Variants in NEDD4L observed in about 807,000 individuals in gnomAD.
The protein encoded by NEDD4L is NEDD4 like E3 ubiquitin protein ligase, also known as E3 ubiquitin-protein ligase NEDD4-like.
In NEDD4L, 54 loss-of-function variants were observed where a neutral mutation model predicts 148.9. The observed-to-expected ratio is 0.36, with a 90% CI of 0.29 to 0.45. The LOEUF (loss-of-function observed/expected upper bound fraction) is 0.45. Among genes scored for constraint, NEDD4L ranks in the 20% least tolerant of loss-of-function variants. The pLI is 1.00. For synonymous variants in NEDD4L, 433 were observed against 440.7 expected (o/e 0.98, Z 0.22); for missense variants, 856 against 1,233.8 (o/e 0.69, Z 4.59).
At chr18:58,188,296 T>C (rs2039700086) in intron 2 of NEDD4L, among the ~76,000 whole-genome samples, 1 of 152,194 alleles carries the variant, frequency 6.6e-6, no homozygotes, top group African/African-American at 2.4e-5. Flanking sequence ...AAAGGGACCC[T>C]AGCACCAGTG....
intron 1 of NEDD4L, among the ~76,000 whole-genome samples, chr18:58,133,272 A>G (rs2032399215): frequency 6.6e-6 from 1 of 152,208 alleles, no homozygotes; most frequent in South Asian, 2.1e-4. Context: ...AGGAGAATGC[A>G]CTTATAAGTT....
intron 11 of NEDD4L, among the ~76,000 whole-genome samples, chr18:58,332,287 G>A (rs1486608999): frequency 6.6e-6 from 1 of 152,186 alleles, no homozygotes; most frequent in Non-Finnish European, 1.5e-5. Flanking sequence ...TTCACATCGT[G>A]TTCACTGTTA....
At position 58,225,266 on chromosome 18, in the gene NEDD4L, C is replaced by G. The variant is rs1053327045; in HGVS notation, c.123-20161C>G. Among the ~76,000 whole-genome samples, 6 of 152,246 alleles carry G rather than the reference C, an allele frequency of 3.9e-5. No individual in the cohort carries two copies. The East Asian group carries it at 9.7e-4, about 25-fold the overall frequency. The stretch of plus-strand genomic sequence containing the variant: ...ATTGCCATTAAAAGTTGATCTTGAG[C>G]ATGACACAGAACTGAAAGCTTTGAT... On this transcript the variant is annotated intron_variant, in intron 2 of 30. Coordinates refer to ENST00000400345, the MANE Select transcript of NEDD4L (RefSeq NM_001144967.3).
chr18:58,165,976 C>A, intron 2 of NEDD4L, 115 bp downstream of exon 2: 2 of 819,542 alleles, frequency 2.4e-6, no homozygotes, highest in Non-Finnish European at 4.0e-6. Context: ...GCTGGCTGGG[C>A]CCCACCTGCA....
chr18:58,253,060 C>G lies in NEDD4L; in HGVS notation c.297+1006C>G, dbSNP rs1008878560. Among the ~76,000 whole-genome samples the G allele has an allele frequency of 2.6e-5, 4 of 152,200 alleles. No homozygotes were observed. In the East Asian group the frequency reaches 7.7e-4, roughly 29 times the overall value. On this transcript the variant is annotated intron_variant, in intron 5 of 30. Transcript: ENST00000400345. ...GCAGTCATTCTCAAATTTACCCTCT[C>G]TGAAACTTGTATGGTATGTTGACTG... is the stretch of plus-strand genomic sequence containing the variant.
chr18:58,234,011 A>G (rs957076414), intron 2 of NEDD4L, among the ~76,000 whole-genome samples: 3 of 151,728 alleles, frequency 2.0e-5, no homozygotes, highest in South Asian at 2.1e-4. Context: ...GTCATATTGG[A>G]TCAGGGCTCA....
intron 1 of NEDD4L, among the ~76,000 whole-genome samples, chr18:58,148,075 T>C (rs1447649801): frequency 6.6e-6 from 1 of 152,048 alleles, no homozygotes; most frequent in East Asian, 1.9e-4. Context: ...TGAAATATTT[T>C]CTTTCCAATT....
intron 1 of NEDD4L, among the ~76,000 whole-genome samples, chr18:58,159,161 T>C (rs1041629314): frequency 1.3e-5 from 2 of 151,782 alleles, no homozygotes; most frequent in Non-Finnish European, 1.5e-5. Flanking sequence ...GGATTCAACC[T>C]GGCAAGAGTT....
chr18:58,044,777 GA>G, intron 1 of NEDD4L, 69 bp downstream of exon 1: 1 of 1,561,766 alleles, frequency 6.4e-7, no homozygotes, highest in Non-Finnish European at 8.7e-7. Context: ...AGGGGGAGGG[GA>G]AAGGGGCCGT....
At chr18:58,268,850 A>G (rs2050613901) in intron 5 of NEDD4L, among the ~76,000 whole-genome samples, 1 of 151,880 alleles carries the variant, frequency 6.6e-6, no homozygotes, top group Admixed American at 6.6e-5. Context: ...GAGGGAGGAG[A>G]GGAAGTCCTT....
intron 1 of NEDD4L, among the ~76,000 whole-genome samples, chr18:58,147,159 C>T (rs1286652513): frequency 2.0e-5 from 3 of 152,282 alleles, no homozygotes; most frequent in South Asian, 4.2e-4. Flanking sequence ...TATTTTGAAA[C>T]TAAAATTATT....
intron 1 of NEDD4L, among the ~76,000 whole-genome samples, chr18:58,123,254 C>T (rs1416592724): frequency 6.6e-6 from 1 of 152,166 alleles, no homozygotes; most frequent in South Asian, 2.1e-4. Context: ...TCTTCTGGTC[C>T]AGCTGCCTTT....
At chr18:58,175,470 C>T (rs2038024562) in intron 2 of NEDD4L, among the ~76,000 whole-genome samples, 1 of 149,494 alleles carries the variant, frequency 6.7e-6, no homozygotes, top group African/African-American at 2.6e-5. Context: ...AGGAGCAGCA[C>T]CTTACTCTGT....
chr18:58,383,860 A>G (rs2048666085), intron 25 of NEDD4L, among the ~76,000 whole-genome samples: 1 of 152,260 alleles, frequency 6.6e-6, no homozygotes. Flanking sequence ...TTGGAAGTCT[A>G]GCTGTTAAGT....
chr18:58,138,668 G>T (rs1225093005), intron 1 of NEDD4L, among the ~76,000 whole-genome samples: 5 of 152,110 alleles, frequency 3.3e-5, no homozygotes, highest in Non-Finnish European at 7.4e-5. Context: ...TCAAAGTACT[G>T]GCATATCTGG....
intron 2 of NEDD4L, among the ~76,000 whole-genome samples, chr18:58,178,523 A>G (rs1281620489): frequency 6.6e-6 from 1 of 152,250 alleles, no homozygotes; most frequent in Admixed American, 6.5e-5. Flanking sequence ...AGATGAGTGT[A>G]TTGCAATTAA....
intron 9 of NEDD4L, among the ~76,000 whole-genome samples, chr18:58,325,565 C>CT (rs2059243131): frequency 6.6e-6 from 1 of 152,196 alleles, no homozygotes; most frequent in African/African-American, 2.4e-5. Context: ...TCTGTTTTCT[C>CT]TAAGTTTTTG....
intron 1 of NEDD4L, among the ~76,000 whole-genome samples, chr18:58,088,890 G>T (rs1371547190): frequency 6.6e-6 from 1 of 152,068 alleles, no homozygotes; most frequent in African/African-American, 2.4e-5. Flanking sequence ...GGGAAAAAAA[G>T]CCAGGTGTTC....
Position 58,400,333 on chromosome 18 carries a change from T to G in NEDD4L, c.*4064T>G, listed in dbSNP as rs1032332014. 9.9e-5 allele frequency: 15 copies of G among 152,226 alleles called. No homozygotes were observed. The highest frequency in any genetic ancestry group is 3.2e-3 in the Middle Eastern group (1 of 316). 9.4% of individuals were successfully genotyped at this position (152,226 alleles called of 1,614,324 possible). A position where few individuals can be genotyped will look rare whatever the true frequency, so the allele number is the denominator to read the frequency against. On this transcript the variant is annotated 3_prime_UTR_variant, in exon 31 of 31. Coordinates refer to ENST00000400345, the MANE Select transcript of NEDD4L (RefSeq NM_001144967.3). ...AGATGTGTTTTTAAAAAACAAATCC[T>G]TATAAACTCCACTTTGTACTTTAGA...
Sources: gnomAD v4.1 joint callset for allele counts (sites outside exome capture counted in the v4.1 genomes callset) on GRCh38, gnomAD v4.1.1 for gene constraint, MANE v1.5 for transcripts, NCBI Gene and HGNC (gene_info 2026-07-23, HGNC 2026-07-21) for gene names.